Variants in INPP4B observed in about 807,000 individuals in gnomAD.
The protein encoded by INPP4B is inositol polyphosphate 4-phosphatase type II.
Under a neutral mutation model 122.5 loss-of-function variants are expected in INPP4B, and 55 were observed. The observed-to-expected ratio is 0.45, with a 90% CI of 0.36 to 0.56. INPP4B has a LOEUF of 0.56. Among genes scored for constraint, INPP4B ranks in the 20% least tolerant of loss-of-function variants. INPP4B has a pLI of 0.00. For synonymous variants in INPP4B, 403 were observed against 388.7 expected, an observed-to-expected ratio of 1.04 and a Z score of -0.43; for missense variants, 1,000 against 1,097.7, an observed-to-expected ratio of 0.91 and a Z score of 1.26.
chr4:142,616,943 G>A (rs2150358334), intron 2 of INPP4B, among the ~76,000 whole-genome samples: 1 of 152,142 alleles, frequency 6.6e-6, no homozygotes, highest in Admixed American at 6.5e-5. Flanking sequence ...CTAAAGGTGG[G>A]GAGGGTAGGA....
intron 2 of INPP4B, among the ~76,000 whole-genome samples, chr4:142,489,477 T>A (rs1821595246): frequency 1.3e-5 from 2 of 152,216 alleles, no homozygotes; most frequent in Non-Finnish European, 2.9e-5. Flanking sequence ...CACTGCAGTC[T>A]CTGCCTCCTG....
At chr4:142,249,328 C>T (rs1730746663) in intron 11 of INPP4B, among the ~76,000 whole-genome samples, 3 of 151,896 alleles carry the variant, frequency 2.0e-5, no homozygotes, top group Non-Finnish European at 4.4e-5. Flanking sequence ...ATTTGAGGGT[C>T]TATGGGCTGA....
intron 3 of INPP4B, among the ~76,000 whole-genome samples, chr4:142,447,920 AC>A (rs1813259278): frequency 6.6e-6 from 1 of 152,140 alleles, no homozygotes; most frequent in Non-Finnish European, 1.5e-5. Flanking sequence ...AACAAAGAAA[AC>A]ATTCCCCAAA....
At chr4:142,395,201 G>C (rs1373499984) in intron 7 of INPP4B, among the ~76,000 whole-genome samples, 4 of 152,214 alleles carry the variant, frequency 2.6e-5, no homozygotes, top group Non-Finnish European at 5.9e-5. Flanking sequence ...AATGTGAAGA[G>C]CATCAGCAGA....
intron 7 of INPP4B, among the ~76,000 whole-genome samples, chr4:142,398,598 A>G (rs1466577852): frequency 7.0e-6 from 1 of 142,636 alleles, no homozygotes. Context: ...CTTCTTAAGA[A>G]GCCAATTTAG....
At chr4:142,245,747 T>G (rs2150087438) in intron 11 of INPP4B, among the ~76,000 whole-genome samples, 1 of 151,794 alleles carries the variant, frequency 6.6e-6, no homozygotes, top group African/African-American at 2.4e-5. Context: ...AGGCCTCTAT[T>G]CTGTTCATAT....
chr4:142,142,482 A>T (rs336397), intron 18 of INPP4B, among the ~76,000 whole-genome samples: 97,377 of 151,976 alleles, frequency 0.64, 36,595 homozygotes, highest in South Asian at 0.83. Flanking sequence ...ATAAAATGAA[A>T]CCAGGTTTCT....
At chr4:142,421,608 TAAGC>T (rs1234782471) in intron 5 of INPP4B, among the ~76,000 whole-genome samples, 1 of 152,160 alleles carries the variant, frequency 6.6e-6, no homozygotes, top group East Asian at 1.9e-4. Context: ...AGTGGAATTA[TAAGC>T]AATAAAGAGA....
intron 15 of INPP4B, among the ~76,000 whole-genome samples, chr4:142,181,211 T>C (rs1830611661): frequency 1.3e-5 from 2 of 152,172 alleles, no homozygotes; most frequent in Admixed American, 6.5e-5. Context: ...TACTAACCAC[T>C]CTGCATTGAA....
At chr4:142,589,356 C>G (rs189049674) in intron 2 of INPP4B, among the ~76,000 whole-genome samples, 52 of 152,088 alleles carry the variant, frequency 3.4e-4, no homozygotes, top group Non-Finnish European at 2.9e-5. Context: ...TATCAAAAGA[C>G]AAGACACAGA....
At chr4:142,360,083 T>C (rs887208965) in intron 7 of INPP4B, among the ~76,000 whole-genome samples, 1 of 151,902 alleles carries the variant, frequency 6.6e-6, no homozygotes, top group Non-Finnish European at 1.5e-5. Flanking sequence ...TTAAAAGAAA[T>C]AGCATAATTT....
chr4:142,415,538 C>A (rs1239488202), intron 5 of INPP4B, among the ~76,000 whole-genome samples: 1 of 152,052 alleles, frequency 6.6e-6, no homozygotes, highest in African/African-American at 2.4e-5. Flanking sequence ...AATAGGAACA[C>A]TTTTACACTG....
intron 2 of INPP4B, among the ~76,000 whole-genome samples, chr4:142,624,474 T>G (rs1745816501): frequency 2.0e-5 from 3 of 152,068 alleles, no homozygotes; most frequent in African/African-American, 7.2e-5. Context: ...ATTAGCCCTT[T>G]GTCAGATGAG....
Position 142,398,390 on chromosome 4 carries a change from AAAAAAAAAAAAATATATATATATAT to A in INPP4B, c.372+4523_372+4547del, listed in dbSNP as rs1449208403. On this transcript the variant is annotated intron_variant, in intron 7 of 25. Coordinates refer to ENST00000262992, the MANE Select transcript of INPP4B (RefSeq NM_001101669.3). The stretch of plus-strand genomic sequence containing the variant: ...CAGACTCTGTCTAAAAAAAAAAAAA[AAAAAAAAAAAAATATATATATATAT>A]ATATATATATATATATATATATATA... 2.0e-3 allele frequency among the ~76,000 whole-genome samples: 142 copies of A among 70,580 alleles called. 2 individuals are homozygous for A. Among genetic ancestry groups the A allele is most frequent in the South Asian group, 0.012 (29 of 2,436 alleles). 46.3% of individuals were successfully genotyped at this position (70,580 alleles called of 152,430 possible). A position where few individuals can be genotyped will look rare whatever the true frequency, so the allele number is the denominator to read the frequency against.
At chr4:142,793,793 G>A (rs1479135124) in intron 1 of INPP4B, among the ~76,000 whole-genome samples, 1 of 151,648 alleles carries the variant, frequency 6.6e-6, no homozygotes. Context: ...ATGTAATAAA[G>A]ATGCTACTTT....
At chr4:142,089,166 A>G (rs1419384955) in intron 23 of INPP4B, among the ~76,000 whole-genome samples, 3 of 152,156 alleles carry the variant, frequency 2.0e-5, no homozygotes, top group African/African-American at 7.2e-5. Flanking sequence ...CTGCTGGGGA[A>G]TCTGGGCTTC....
At chr4:142,077,896 G>A (rs1771681550) in intron 25 of INPP4B, among the ~76,000 whole-genome samples, 1 of 151,788 alleles carries the variant, frequency 6.6e-6, no homozygotes, top group Non-Finnish European at 1.5e-5. Context: ...CTTTAGTCAA[G>A]TGGTTCTCAA....
At chr4:142,483,814 G>A (rs1393634671) in intron 2 of INPP4B, among the ~76,000 whole-genome samples, 1 of 152,002 alleles carries the variant, frequency 6.6e-6, no homozygotes, top group Non-Finnish European at 1.5e-5. Flanking sequence ...AGGAAAATGT[G>A]ATAATGGAAA....
intron 9 of INPP4B, among the ~76,000 whole-genome samples, chr4:142,291,410 C>T (rs192816330): frequency 2.8e-4 from 42 of 152,294 alleles, no homozygotes; most frequent in South Asian, 2.3e-3. Context: ...GACTTAGTTT[C>T]CAGTCCCAGC....
Sources: allele counts gnomAD v4.1 joint callset (sites outside exome capture counted in the v4.1 genomes callset), GRCh38; gene constraint gnomAD v4.1.1; transcripts MANE v1.5; gene names NCBI Gene and HGNC (gene_info 2026-07-23, HGNC 2026-07-21).